AGBL1: variants seen among roughly 807,000 people sequenced by gnomAD.
The protein encoded by AGBL1 is AGBL carboxypeptidase 1, also known as cytosolic carboxypeptidase 4.
In AGBL1, 130 loss-of-function variants were observed where a neutral mutation model predicts 118.9. The observed-to-expected ratio is 1.09, with a 90% CI of 0.95 to 1.26. The LOEUF (loss-of-function observed/expected upper bound fraction) is 1.26. Ranked by LOEUF, AGBL1 falls within the 50% of genes most tolerant of loss-of-function variation. AGBL1 has a pLI of 0.00. For missense variants in AGBL1, 1,584 were observed against 1,298.1 expected, an observed-to-expected ratio of 1.22 and a Z score of -3.38; for synonymous variants, 555 against 478.9, an observed-to-expected ratio of 1.16 and a Z score of -2.08.
chr15:86,918,204 A>C (rs573141303), downstream of AGBL1, among the ~76,000 whole-genome samples: 1 of 152,346 alleles, frequency 6.6e-6, no homozygotes, highest in South Asian at 2.1e-4. Context: ...AATGTTTACT[A>C]TTCACAAAAC....
At chr15:86,315,189 T>A (rs6496321) in intron 17 of AGBL1, among the ~76,000 whole-genome samples, 7 of 151,972 alleles carry the variant, frequency 4.6e-5, no homozygotes, top group East Asian at 1.9e-4. Context: ...AAAGCCTTTC[T>A]AATGGTGAAA....
At chr15:86,345,548 G>A (rs1200773097) in intron 17 of AGBL1, among the ~76,000 whole-genome samples, 1 of 152,210 alleles carries the variant, frequency 6.6e-6, no homozygotes, top group Non-Finnish European at 1.5e-5. Flanking sequence ...AGTCAAGGGA[G>A]GCTTTTCTGT....
chr15:86,736,999 G>A (rs1229372614), intron 22 of AGBL1, among the ~76,000 whole-genome samples: 11 of 152,174 alleles, frequency 7.2e-5, no homozygotes, highest in Admixed American at 6.5e-4. Context: ...TCCCCCTTAT[G>A]TCTTTTTCCT....
intron 22 of AGBL1, among the ~76,000 whole-genome samples, chr15:86,747,746 G>C (rs2077778125): frequency 6.6e-6 from 1 of 152,060 alleles, no homozygotes; most frequent in Admixed American, 6.6e-5. Flanking sequence ...TTCTGTTCTT[G>C]AGATACTTTG....
chr15:86,664,225 A>G (rs963990940), intron 21 of AGBL1, among the ~76,000 whole-genome samples: 4 of 152,208 alleles, frequency 2.6e-5, no homozygotes, highest in Non-Finnish European at 1.5e-5. Flanking sequence ...GAAAGCTGGC[A>G]GAGACACCAA....
intron 22 of AGBL1, among the ~76,000 whole-genome samples, chr15:86,752,882 G>T (rs1196492823): frequency 6.6e-6 from 1 of 152,020 alleles, no homozygotes; most frequent in East Asian, 1.9e-4. Flanking sequence ...TTAGATGAGG[G>T]ACATTAATTG....
intron 22 of AGBL1, among the ~76,000 whole-genome samples, chr15:86,825,724 G>A (rs1198628090): frequency 6.7e-6 from 1 of 150,368 alleles, no homozygotes; most frequent in Non-Finnish European, 1.5e-5. Flanking sequence ...AGAGAGGGAG[G>A]GAGGGAGGTA....
At chr15:86,775,097 C>A (rs949354954) in intron 22 of AGBL1, among the ~76,000 whole-genome samples, 2 of 152,126 alleles carry the variant, frequency 1.3e-5, no homozygotes, top group Non-Finnish European at 2.9e-5. Flanking sequence ...GATTCCTGCC[C>A]TTGCAGCACT....
intron 22 of AGBL1, among the ~76,000 whole-genome samples, chr15:86,868,983 C>G (rs1165695353): frequency 6.6e-6 from 1 of 152,132 alleles, no homozygotes; most frequent in Non-Finnish European, 1.5e-5. Flanking sequence ...CAATTCAAGG[C>G]CTTTAAATCA....
intron 18 of AGBL1, among the ~76,000 whole-genome samples, chr15:86,433,096 G>T (rs2081955845): frequency 6.6e-6 from 1 of 152,138 alleles, no homozygotes; most frequent in Non-Finnish European, 1.5e-5. Context: ...CCGGAGCAGG[G>T]TGGATGCAGG....
chr15:86,831,862 C>T (rs1039309306), intron 22 of AGBL1, among the ~76,000 whole-genome samples: 2 of 152,210 alleles, frequency 1.3e-5, no homozygotes, highest in Non-Finnish European at 2.9e-5. Context: ...TTTGCACTAC[C>T]CTAGCAGAGG....
intron 21 of AGBL1, among the ~76,000 whole-genome samples, chr15:86,561,671 T>G (rs1043507107): frequency 1.3e-5 from 2 of 152,204 alleles, no homozygotes; most frequent in African/African-American, 4.8e-5. Context: ...TTTAAAGTAG[T>G]GTTTTCCAAT....
rs76437449 is a variant in AGBL1 at position 86,490,110 on chromosome 15, C to G, written c.2556-32700C>G. ...GAGGGCCCATTTTCCCACAAGGCAGCTATGACGTCCCGCTGAGCCATCTTA... is the reference window on the plus strand; with the variant it reads ...GAGGGCCCATTTTCCCACAAGGCAGGTATGACGTCCCGCTGAGCCATCTTA... On this transcript the variant is annotated intron_variant, in intron 18 of 22. Transcript: ENST00000614907. 2.8e-3 allele frequency among the ~76,000 whole-genome samples: 433 copies of G among 152,226 alleles called. 3 individuals carry two copies. Among genetic ancestry groups the G allele is most frequent in the East Asian group, 4.5e-3 (23 of 5,164 alleles).
At chr15:86,410,201 C>A (rs943739043) in intron 18 of AGBL1, among the ~76,000 whole-genome samples, 1 of 152,048 alleles carries the variant, frequency 6.6e-6, no homozygotes, top group Non-Finnish European at 1.5e-5. Context: ...ACTGAGGAAG[C>A]TTTTTCTTTT....
chr15:86,943,193 G>T (rs922974088), intron 23 of AGBL1, among the ~76,000 whole-genome samples: 2 of 152,222 alleles, frequency 1.3e-5, no homozygotes, highest in South Asian at 4.2e-4. Context: ...AAATTAAAGA[G>T]TCCTGTTCTA....
At chr15:86,940,087 T>C (rs1165639244) in intron 23 of AGBL1, among the ~76,000 whole-genome samples, 2 of 126,540 alleles carry the variant, frequency 1.6e-5, no homozygotes, top group Admixed American at 8.0e-5. Flanking sequence ...TTTTTTTTTT[T>C]TGGTAGAGAC....
At chr15:86,811,125 G>C (rs1003908103) in intron 22 of AGBL1, among the ~76,000 whole-genome samples, 4 of 152,224 alleles carry the variant, frequency 2.6e-5, no homozygotes, top group African/African-American at 9.6e-5. Flanking sequence ...AGTGTATCTA[G>C]AGTGTGAGAG....
chr15:86,845,654 G>A (rs117057085), intron 22 of AGBL1, among the ~76,000 whole-genome samples: 1,813 of 152,242 alleles, frequency 0.012, 25 homozygotes, highest in Middle Eastern at 0.031. Flanking sequence ...TGAAAGATTA[G>A]TATTATTTCA....
intron 1 of AGBL1, among the ~76,000 whole-genome samples, chr15:86,120,229 T>A (rs1898013589): frequency 2.6e-5 from 4 of 152,194 alleles, no homozygotes; most frequent in African/African-American, 9.6e-5. Context: ...TTGCCTTTTT[T>A]ACTTGATAGA....
Sources: gnomAD v4.1 joint callset for allele counts (sites outside exome capture counted in the v4.1 genomes callset) on GRCh38, gnomAD v4.1.1 for gene constraint, MANE v1.5 for transcripts, NCBI Gene and HGNC (gene_info 2026-07-23, HGNC 2026-07-21) for gene names.